The following PHF20 variants were observed in gnomAD, a reference collection of about 807,000 sequenced individuals.
PHF20 encodes the protein glioma-expressed antigen 2.
PHF20 carries 23 observed loss-of-function variants against 113.5 expected under a neutral mutation model. That is an observed-to-expected ratio of 0.20 (90% confidence interval 0.15 to 0.29). The LOEUF (loss-of-function observed/expected upper bound fraction) is 0.29. Among genes scored for constraint, PHF20 ranks in the 10% least tolerant of loss-of-function variants. The pLI is 1.00. For synonymous variants in PHF20, 434 were observed against 457.3 expected (o/e 0.95, Z 0.65); for missense variants, 943 against 1,219.6 (o/e 0.77, Z 3.38).
At chr20:35,852,445 G>A (rs2042749705) in intron 4 of PHF20, among the ~76,000 whole-genome samples, 1 of 152,072 alleles carries the variant, frequency 6.6e-6, no homozygotes, top group Non-Finnish European at 1.5e-5. Context: ...AGTCAAAGAG[G>A]GAGTGGGAAT....
At chr20:35,835,110 A>G (rs2042417014) in intron 2 of PHF20, among the ~76,000 whole-genome samples, 1 of 152,050 alleles carries the variant, frequency 6.6e-6, no homozygotes, top group African/African-American at 2.4e-5. Flanking sequence ...CCCCGTCTCT[A>G]TTAAAAATAT....
At position 35,842,726 on chromosome 20, in the gene PHF20, T is replaced by A; in HGVS notation, c.237T>A (p.His79Gln). 1 of 1,614,052 alleles carries A rather than the reference T, an allele frequency of 6.2e-7. No homozygotes were observed. Among genetic ancestry groups the A allele is most frequent in the South Asian group, 1.1e-5 (1 of 91,050 alleles). ...TACAGCTGAGGAAAGAGGGCTTGCA[T>A]GAAGAGGATGGATCTTCTGTGAGTA... is the stretch of plus-strand genomic sequence containing the variant. ...EKIQLRKEGL[H>Q]EEDGSSEFQI... The change falls in exon 3 of 18, where the codon CAT (histidine) becomes CAA (glutamine). Residue 79 changes from histidine to glutamine, a missense_variant. Transcript: ENST00000374012.
intron 9 of PHF20, among the ~76,000 whole-genome samples, chr20:35,889,152 A>T (rs2054798267): frequency 6.7e-6 from 1 of 148,526 alleles, no homozygotes; most frequent in Non-Finnish European, 1.5e-5. Context: ...AGTAGCTGGG[A>T]TTATAGGTGC....
chr20:35,807,807 CATTG>C (rs1383072255), intron 2 of PHF20, among the ~76,000 whole-genome samples: 3 of 152,080 alleles, frequency 2.0e-5, no homozygotes, highest in African/African-American at 4.8e-5. Flanking sequence ...GAAGTTTGAA[CATTG>C]ATTGGTTATT....
intron 6 of PHF20, among the ~76,000 whole-genome samples, chr20:35,868,458 A>T (rs59965951): frequency 0.083 from 12,276 of 148,442 alleles, 541 homozygotes; most frequent in South Asian, 0.21. Context: ...AAAAAAAAAA[A>T]TTTTGCTAGG....
chr20:35,790,479 G>A (rs1294406745), intron 1 of PHF20, among the ~76,000 whole-genome samples: 1 of 152,168 alleles, frequency 6.6e-6, no homozygotes, highest in African/African-American at 2.4e-5. Context: ...GGGATTACAG[G>A]TGTGAGCCAC....
chr20:35,878,743 C>CG, intron 9 of PHF20: 2 of 746,728 alleles, frequency 2.7e-6, no homozygotes. Context: ...GAAGAAGAGA[C>CG]GCTGTCTTGC....
At chr20:35,812,689 G>A (rs915519787) in intron 2 of PHF20, among the ~76,000 whole-genome samples, 4 of 152,070 alleles carry the variant, frequency 2.6e-5, no homozygotes, top group South Asian at 2.1e-4. Flanking sequence ...AAGCTAGGTC[G>A]TCCCACTGTT....
chr20:35,850,121 T>TA (rs1281989210), intron 4 of PHF20, among the ~76,000 whole-genome samples: 2 of 152,142 alleles, frequency 1.3e-5, no homozygotes, highest in Non-Finnish European at 2.9e-5. Flanking sequence ...CAGTGGAGAT[T>TA]AAGCATTATT....
At chr20:35,786,056 A>C (rs552702385) in intron 1 of PHF20, among the ~76,000 whole-genome samples, 70 of 150,092 alleles carry the variant, frequency 4.7e-4, no homozygotes, top group Middle Eastern at 3.5e-3. Flanking sequence ...CAAAAAAAAA[A>C]ACAAATCTTG....
chr20:35,869,774 C>A (rs2054385100), intron 7 of PHF20, among the ~76,000 whole-genome samples: 1 of 152,186 alleles, frequency 6.6e-6, no homozygotes, highest in South Asian at 2.1e-4. Context: ...GGTATCATCT[C>A]CATATCCATA....
chr20:35,776,141 C>G (rs776749438), intron 1 of PHF20, among the ~76,000 whole-genome samples: 5 of 152,184 alleles, frequency 3.3e-5, no homozygotes, highest in Non-Finnish European at 7.3e-5. Flanking sequence ...ATATTTCTTA[C>G]TTGAATGTGA....
chr20:35,904,277 A>AT (rs34412788), intron 10 of PHF20, among the ~76,000 whole-genome samples: 10,338 of 98,858 alleles, frequency 0.1, 880 homozygotes, highest in Middle Eastern at 0.16. Context: ...GAATGCTCTG[A>AT]TTTTTTTTTT....
At chr20:35,863,680 G>A (rs17093184) in intron 6 of PHF20, among the ~76,000 whole-genome samples, 7,399 of 152,210 alleles carry the variant, frequency 0.049, 232 homozygotes, top group African/African-American at 0.099. Flanking sequence ...CTGATAAACC[G>A]AGGCCTTTTG....
intron 10 of PHF20, among the ~76,000 whole-genome samples, chr20:35,910,159 A>C (rs1057396809): frequency 6.6e-6 from 1 of 152,216 alleles, no homozygotes; most frequent in Non-Finnish European, 1.5e-5. Context: ...GAAAGAAACC[A>C]GACACAAAAG....
At chr20:35,820,459 T>TTG (rs1407630150) in intron 2 of PHF20, among the ~76,000 whole-genome samples, 1 of 150,826 alleles carries the variant, frequency 6.6e-6, no homozygotes, top group African/African-American at 2.4e-5. Context: ...TTTTTTTTTT[T>TTG]TTTTTGTGAG....
chr20:35,947,871 A>G lies in PHF20; in HGVS notation c.*244A>G, dbSNP rs1299697832. On this transcript the variant is annotated 3_prime_UTR_variant, in exon 18 of 18. Transcript: ENST00000374012. Reference sequence around the variant, plus strand: ...CTTGGGATTCCCCTCTTCTGTGCACATCGTTGAATGAAGAGAGTCTTTTTG... The same window carrying G: ...CTTGGGATTCCCCTCTTCTGTGCACGTCGTTGAATGAAGAGAGTCTTTTTG... 9.9e-6 allele frequency: 4 copies of G among 404,602 alleles called. No individual in the cohort carries two copies. The highest frequency in any genetic ancestry group is 5.7e-5 in the South Asian group (1 of 17,672). 25.1% of individuals were successfully genotyped at this position (404,602 alleles called of 1,614,324 possible).
At chr20:35,922,038 TG>T (rs543855691) in intron 13 of PHF20, among the ~76,000 whole-genome samples, 126 of 152,368 alleles carry the variant, frequency 8.3e-4, no homozygotes, top group Admixed American at 7.9e-3. Context: ...TATGCCATTA[TG>T]TGCTATATGA....
chr20:35,795,204 AAAGG>A (rs1307715954), intron 1 of PHF20, among the ~76,000 whole-genome samples: 2 of 151,764 alleles, frequency 1.3e-5, no homozygotes, highest in Admixed American at 1.3e-4. Context: ...AAAAAAAAAA[AAAGG>A]AAGAAAAATC....
Sources: allele counts gnomAD v4.1 joint callset (sites outside exome capture counted in the v4.1 genomes callset), GRCh38; gene constraint gnomAD v4.1.1; transcripts MANE v1.5; gene names NCBI Gene and HGNC (gene_info 2026-07-23, HGNC 2026-07-21).